Variants in CUX1 observed in about 807,000 individuals in gnomAD.
The protein encoded by CUX1 is protein CASP.
In CUX1, 31 loss-of-function variants were observed where a neutral mutation model predicts 158.8. The observed-to-expected ratio is 0.20, with a 90% CI of 0.15 to 0.26. The LOEUF (loss-of-function observed/expected upper bound fraction) is 0.26. Among genes scored for constraint, CUX1 ranks in the 10% least tolerant of loss-of-function variants. The pLI, the probability that CUX1 is intolerant of heterozygous loss-of-function variation, is 1.00. For missense variants in CUX1, 1,589 were observed against 2,014.6 expected, an observed-to-expected ratio of 0.79 and a Z score of 4.04; for synonymous variants, 879 against 862.1, an observed-to-expected ratio of 1.02 and a Z score of -0.34.
intron 1 of CUX1, among the ~76,000 whole-genome samples, chr7:101,893,849 T>G (rs1801180322): frequency 6.6e-6 from 1 of 152,214 alleles, no homozygotes. Context: ...CCTTAAAACC[T>G]TCGGAGATTT....
intron 1 of CUX1, among the ~76,000 whole-genome samples, chr7:101,858,432 G>T (rs1361291961): frequency 6.6e-6 from 1 of 151,988 alleles, no homozygotes; most frequent in Non-Finnish European, 1.5e-5. Context: ...GGTCCCTCCC[G>T]CCTTCCCTGA....
chr7:102,255,666 C>T lies in CUX1; in HGVS notation c.*6624C>T. ...GAAAAGGTGCCTTATATCCCAATGT[C>T]ACGGCTACATCCCTATGGAAATTAA... On this transcript the variant is annotated 3_prime_UTR_variant, in exon 24 of 24. Coordinates refer to ENST00000292535, the MANE Select transcript of CUX1 (RefSeq NM_181552.4). 1.0e-6 allele frequency: 1 copy of T among 985,404 alleles called. No individual in the cohort carries two copies. The highest frequency in any genetic ancestry group is 1.2e-6 in the Non-Finnish European group (1 of 829,928). The allele number at this position is 985,404 out of a possible 1,614,324, so 61.0% of individuals were successfully genotyped here. A position where few individuals can be genotyped will look rare whatever the true frequency, so the allele number is the denominator to read the frequency against.
intron 2 of CUX1, among the ~76,000 whole-genome samples, chr7:101,963,000 T>C (rs1219267362): frequency 2.6e-5 from 4 of 152,210 alleles, no homozygotes; most frequent in Non-Finnish European, 5.9e-5. Context: ...CATGAGCCAC[T>C]GTGCCCAGCC....
intron 1 of CUX1, among the ~76,000 whole-genome samples, chr7:101,866,552 A>G (rs1797943520): frequency 6.6e-6 from 1 of 152,154 alleles, no homozygotes; most frequent in Non-Finnish European, 1.5e-5. Context: ...GGATCACTTG[A>G]GCACAGGAGT....
intron 14 of CUX1, among the ~76,000 whole-genome samples, chr7:102,263,359 G>C (rs1166699503): frequency 1.6e-5 from 2 of 127,420 alleles, no homozygotes; most frequent in Non-Finnish European, 3.1e-5. Flanking sequence ...TGTTGCCCAG[G>C]CTAGAGTGCA....
Position 102,111,689 on chromosome 7 carries a change from C to G in CUX1, c.531-9C>G. Reference sequence around the variant, plus strand: ...ATGACCAATTTGGCTTCGTCCTCTTCCTTTGCAGAAAGCTGCAGGAGACAC... The same window carrying G: ...ATGACCAATTTGGCTTCGTCCTCTTGCTTTGCAGAAAGCTGCAGGAGACAC... On this transcript the variant is annotated splice_polypyrimidine_tract_variant and intron_variant, in intron 6 of 23. Coordinates refer to ENST00000292535, the MANE Select transcript of CUX1 (RefSeq NM_181552.4). 1.9e-6 allele frequency: 3 copies of G among 1,614,100 alleles called. No individual in the cohort carries two copies. The highest frequency in any genetic ancestry group is 2.5e-6 in the Non-Finnish European group (3 of 1,179,946).
At chr7:102,179,837 G>A (rs1172372856) in intron 11 of CUX1, among the ~76,000 whole-genome samples, 2 of 152,180 alleles carry the variant, frequency 1.3e-5, no homozygotes, top group African/African-American at 2.4e-5. Context: ...GGGGCTGCCC[G>A]TTCAGGCCCA....
intron 2 of CUX1, among the ~76,000 whole-genome samples, chr7:101,962,243 C>T (rs1810592266): frequency 6.6e-6 from 1 of 152,176 alleles, no homozygotes; most frequent in Non-Finnish European, 1.5e-5. Context: ...TATTTCCCTG[C>T]AATTCATCTT....
intron 2 of CUX1, among the ~76,000 whole-genome samples, chr7:101,973,551 C>T (rs551554698): frequency 1.1e-3 from 162 of 152,110 alleles, no homozygotes; most frequent in Non-Finnish European, 1.7e-3. Flanking sequence ...CTTCATACTG[C>T]GTGCATTCAA....
At position 101,919,625 on chromosome 7, in the gene CUX1, G is replaced by A. The variant is rs563488495; in HGVS notation, c.141+3400G>A. 8.6e-5 allele frequency among the ~76,000 whole-genome samples: 13 copies of A among 151,762 alleles called. No individual in the cohort carries two copies. The South Asian group carries it at 1.0e-3, about 12-fold the overall frequency. On this transcript the variant is annotated intron_variant, in intron 2 of 23. Coordinates refer to ENST00000292535, the MANE Select transcript of CUX1 (RefSeq NM_181552.4). ...TGTTGATCTTGATGGAAACGCCCAC[G>A]TCTCTCTTTGTTCTGGGAAAGAAGG...
chr7:101,828,434 A>G (rs1477948850), intron 1 of CUX1, among the ~76,000 whole-genome samples: 1 of 152,212 alleles, frequency 6.6e-6, no homozygotes, highest in Non-Finnish European at 1.5e-5. Context: ...GGGCAGAACA[A>G]TTTTTTGACA....
intron 3 of CUX1, among the ~76,000 whole-genome samples, chr7:102,039,497 A>T (rs927307507): frequency 2.0e-5 from 3 of 152,018 alleles, no homozygotes; most frequent in Non-Finnish European, 1.5e-5. Flanking sequence ...CTACAAAAAA[A>T]TGCAAACGTT....
At chr7:101,949,202 G>A (rs1808754174) in intron 2 of CUX1, among the ~76,000 whole-genome samples, 1 of 151,928 alleles carries the variant, frequency 6.6e-6, no homozygotes. Context: ...TGCGATCTCA[G>A]CTCACTGCAA....
chr7:102,256,174 A>T lies in CUX1; in HGVS notation c.*7132A>T, dbSNP rs1789873776. The T allele has an allele frequency of 4.1e-6, 4 of 985,330 alleles. No homozygotes were observed. The highest frequency in any genetic ancestry group is 6.1e-5 in the Admixed American group (1 of 16,262). The allele number at this position is 985,330 out of a possible 1,614,324, so 61.0% of individuals were successfully genotyped here. On this transcript the variant is annotated 3_prime_UTR_variant, in exon 24 of 24. Transcript: ENST00000292535. ...CGAGGCAGGATAGGGAGTATCCGTG[A>T]TTCAGAAGCTGAGACCCTTCCCCAG...
intron 15 of CUX1, chr7:102,274,225 C>A: frequency 6.2e-7 from 1 of 1,611,274 alleles, no homozygotes; most frequent in Non-Finnish European, 8.5e-7. Flanking sequence ...ACCTCCTCAT[C>A]GCTTCCTGTC....
rs544951522 is a variant in CUX1, at chr7:102,249,117, C to T, written c.*75C>T. ...ACGGGGTCGGACGGGGCAGGCGCTG[C>T]GGACACCGTGGCCTGGGCTTGGCCC... On this transcript the variant is annotated 3_prime_UTR_variant, in exon 24 of 24. Transcript: ENST00000292535. The T allele has an allele frequency of 2.5e-5, 29 of 1,181,204 alleles. No homozygotes were observed. In the Admixed American group the frequency reaches 7.3e-4, roughly 30 times the overall value. 73.2% of individuals were successfully genotyped at this position (1,181,204 alleles called of 1,614,324 possible). A position where few individuals can be genotyped will look rare whatever the true frequency, so the allele number is the denominator to read the frequency against.
Position 102,250,638 on chromosome 7 carries a change from C to T in CUX1, c.*1596C>T, listed in dbSNP as rs147121436. The stretch of plus-strand genomic sequence containing the variant: ...GATGCTCTTCAACTTCCAAACCTAC[C>T]ATTTGCCCTTCTTTCATTTCGCCTC... On this transcript the variant is annotated 3_prime_UTR_variant, in exon 24 of 24. Coordinates refer to ENST00000292535, the MANE Select transcript of CUX1 (RefSeq NM_181552.4). The T allele has an allele frequency of 1.1e-5, 11 of 985,436 alleles. No individual in the cohort carries two copies. In the African/African-American group the frequency reaches 1.6e-4, roughly 14 times the overall value. 61.0% of individuals were successfully genotyped at this position (985,436 alleles called of 1,614,324 possible).
chr7:102,204,335 G>A, intron 18 of CUX1, 56 bp from the exon 19 acceptor site: 1 of 1,595,888 alleles, frequency 6.3e-7, no homozygotes, highest in African/African-American at 1.3e-5. Context: ...AGCAGCATCT[G>A]TGGTGTCATG....
At chr7:102,148,992 A>G (rs1835323155) in intron 8 of CUX1, among the ~76,000 whole-genome samples, 1 of 152,042 alleles carries the variant, frequency 6.6e-6, no homozygotes, top group Non-Finnish European at 1.5e-5. Flanking sequence ...GTTGTTGTGA[A>G]TGTCATTAAC....
Sources: gnomAD v4.1 joint callset for allele counts (sites outside exome capture counted in the v4.1 genomes callset) on GRCh38, gnomAD v4.1.1 for gene constraint, MANE v1.5 for transcripts, NCBI Gene and HGNC (gene_info 2026-07-23, HGNC 2026-07-21) for gene names.